Variants in EDIL3 observed in about 807,000 individuals in gnomAD.
EDIL3 encodes EGF like and discoidin domains 3.
In EDIL3, 37 loss-of-function variants were observed where a neutral mutation model predicts 67.4. The ratio of observed to expected loss-of-function variants is 0.55; its 90% CI spans 0.42 to 0.72. The LOEUF (loss-of-function observed/expected upper bound fraction) is 0.72, where lower values mean the gene tolerates loss of function less well. Ranked by LOEUF, EDIL3 falls within the 30% of genes least tolerant of loss-of-function variation. The pLI, the probability that EDIL3 is intolerant of heterozygous loss-of-function variation, is 0.00. For missense variants in EDIL3, 527 were observed against 586.3 expected (o/e 0.90, Z 1.04); for synonymous variants, 195 against 196.3 (o/e 0.99, Z 0.05).
At chr5:84,044,613 T>C (rs1746188236) in intron 9 of EDIL3, among the ~76,000 whole-genome samples, 1 of 152,158 alleles carries the variant, frequency 6.6e-6, no homozygotes, top group Non-Finnish European at 1.5e-5. Context: ...CCAAATCTCG[T>C]AGTGGAACTA....
intron 5 of EDIL3, among the ~76,000 whole-genome samples, chr5:84,114,425 C>T (rs1312437159): frequency 6.6e-6 from 1 of 152,104 alleles, no homozygotes; most frequent in Non-Finnish European, 1.5e-5. Flanking sequence ...ACAGCCTTAG[C>T]TTCACTTACT....
In EDIL3 at chr5:84,189,437, T is replaced by TA. The variant is rs1743534451; in HGVS notation, c.227-8917dup. On this transcript the variant is annotated intron_variant, in intron 3 of 10. Transcript: ENST00000296591. The stretch of plus-strand genomic sequence containing the variant: ...TATATATTAATTCCACAATGACAGG[T>TA]AATCATTGTGGCACAGTAGTTGATG... 3.3e-5 allele frequency among the ~76,000 whole-genome samples: 5 copies of TA among 152,082 alleles called. No homozygotes were observed. In the South Asian group the frequency reaches 1.0e-3, roughly 32 times the overall value.
chr5:84,080,314 A>AAAAAAAAAAAAAAAAAAT (rs1234107020), intron 6 of EDIL3, among the ~76,000 whole-genome samples: 2 of 149,190 alleles, frequency 1.3e-5, no homozygotes, highest in African/African-American at 4.9e-5. Context: ...AAAAAAAAAA[A>AAAAAAAAAAAAAAAAAAT]AATTAACTCA....
chr5:84,146,811 A>G (rs1243114674), intron 4 of EDIL3, among the ~76,000 whole-genome samples: 1 of 152,126 alleles, frequency 6.6e-6, no homozygotes, highest in Non-Finnish European at 1.5e-5. Context: ...TATATTTCAT[A>G]CCTATAGAAT....
intron 9 of EDIL3, among the ~76,000 whole-genome samples, chr5:84,031,970 C>T (rs536623127): frequency 2.0e-5 from 3 of 152,306 alleles, no homozygotes; most frequent in South Asian, 2.1e-4. Flanking sequence ...GAAAAGCATA[C>T]TTGTTCTCGA....
At chr5:84,115,022 A>T (rs1747639711) in intron 5 of EDIL3, among the ~76,000 whole-genome samples, 1 of 152,196 alleles carries the variant, frequency 6.6e-6, no homozygotes, top group Non-Finnish European at 1.5e-5. Flanking sequence ...AGCTCTCAAT[A>T]TTACGGGATA....
chr5:84,227,779 T>C (rs967645302), intron 3 of EDIL3, among the ~76,000 whole-genome samples: 1 of 152,082 alleles, frequency 6.6e-6, no homozygotes, highest in South Asian at 2.1e-4. Context: ...CTTAGCAACA[T>C]GGATGGAGCT....
At chr5:84,167,396 C>T (rs1748728820) in intron 4 of EDIL3, among the ~76,000 whole-genome samples, 1 of 152,014 alleles carries the variant, frequency 6.6e-6, no homozygotes, top group East Asian at 1.9e-4. Context: ...CCTTCTTTTC[C>T]TCCTTCTCTC....
intron 4 of EDIL3, among the ~76,000 whole-genome samples, chr5:84,138,751 A>G (rs1304919802): frequency 6.6e-6 from 1 of 152,152 alleles, no homozygotes; most frequent in Non-Finnish European, 1.5e-5. Context: ...CCTGGTCTAA[A>G]TTTCCTTAGG....
intron 1 of EDIL3, among the ~76,000 whole-genome samples, chr5:84,351,288 A>G (rs1747353399): frequency 1.3e-5 from 2 of 152,136 alleles, no homozygotes; most frequent in African/African-American, 4.8e-5. Flanking sequence ...TTGCAGTATT[A>G]TCTGCTCCAA....
intron 1 of EDIL3, among the ~76,000 whole-genome samples, chr5:84,312,013 C>A (rs560283900): frequency 5.5e-4 from 84 of 152,312 alleles, no homozygotes; most frequent in African/African-American, 1.9e-3. Flanking sequence ...CCCGCCTTTC[C>A]CCACTTTCTA....
intron 6 of EDIL3, among the ~76,000 whole-genome samples, chr5:84,073,173 AT>A (rs1459495931): frequency 6.6e-6 from 1 of 152,158 alleles, no homozygotes; most frequent in Non-Finnish European, 1.5e-5. Context: ...CTCTCAATAA[AT>A]TAGGTATTGA....
At chr5:84,216,392 A>T (rs1486466139) in intron 3 of EDIL3, among the ~76,000 whole-genome samples, 1 of 152,266 alleles carries the variant, frequency 6.6e-6, no homozygotes, top group Admixed American at 6.5e-5. Context: ...TTTATAATAT[A>T]TGCATAACAA....
intron 3 of EDIL3, among the ~76,000 whole-genome samples, chr5:84,199,022 G>A (rs1369975540): frequency 6.6e-6 from 1 of 152,012 alleles, no homozygotes; most frequent in African/African-American, 2.4e-5. Flanking sequence ...AGGAGACTTT[G>A]TTCTAGTGGG....
chr5:84,016,622 G>A lies in EDIL3; in HGVS notation c.1137+43678C>T, dbSNP rs138097411. ...AGTTAAAATGCAGTCAAAACTTTGT[G>A]TAATGCACAAAACTATTAAAAAATA... On this transcript the variant is annotated intron_variant, in intron 9 of 10. Coordinates refer to ENST00000296591, the MANE Select transcript of EDIL3 (RefSeq NM_005711.5). Among the ~76,000 whole-genome samples the A allele has an allele frequency of 2.1e-3, 321 of 152,216 alleles. 1 individual carries two copies. Among genetic ancestry groups the A allele is most frequent in the African/African-American group, 7.5e-3 (313 of 41,540 alleles).
At chr5:84,017,349 T>A (rs1235118436) in intron 9 of EDIL3, among the ~76,000 whole-genome samples, 2 of 152,188 alleles carry the variant, frequency 1.3e-5, no homozygotes, top group Non-Finnish European at 2.9e-5. Flanking sequence ...ATGTCAATGA[T>A]TATTATTTTT....
chr5:84,120,616 A>G (rs1266829432), intron 5 of EDIL3, among the ~76,000 whole-genome samples: 1 of 151,966 alleles, frequency 6.6e-6, no homozygotes, highest in East Asian at 1.9e-4. Flanking sequence ...CGTTTTACAA[A>G]TAAAATTAGA....
intron 9 of EDIL3, among the ~76,000 whole-genome samples, chr5:84,052,490 T>C (rs1429969611): frequency 6.6e-6 from 1 of 151,940 alleles, no homozygotes; most frequent in African/African-American, 2.4e-5. Context: ...GGCTAAATGC[T>C]CCAATTAAAA....
chr5:84,339,781 A>G (rs1420621814), intron 1 of EDIL3, among the ~76,000 whole-genome samples: 1 of 152,098 alleles, frequency 6.6e-6, no homozygotes, highest in Non-Finnish European at 1.5e-5. Flanking sequence ...TCTAACTCTA[A>G]CACTAGAAGA....
Sources: gnomAD v4.1 joint callset for allele counts (sites outside exome capture counted in the v4.1 genomes callset) on GRCh38, gnomAD v4.1.1 for gene constraint, MANE v1.5 for transcripts, NCBI Gene and HGNC (gene_info 2026-07-23, HGNC 2026-07-21) for gene names.